TNRC6C: variants seen among roughly 807,000 people sequenced by gnomAD.
TNRC6C encodes trinucleotide repeat containing adaptor 6C, also known as trinucleotide repeat-containing gene 6C protein.
In TNRC6C, 20 loss-of-function variants were observed where a neutral mutation model predicts 153.7. That is an observed-to-expected ratio of 0.13 (90% CI 0.09 to 0.19). The LOEUF is 0.19. TNRC6C is among the 10% of genes least tolerant of loss of function. The pLI, the probability that TNRC6C is intolerant of heterozygous loss-of-function variation, is 1.00. For missense variants in TNRC6C, 1,987 were observed against 2,172.0 expected, an observed-to-expected ratio of 0.91 and a Z score of 1.69; for synonymous variants, 811 against 841.4, an observed-to-expected ratio of 0.96 and a Z score of 0.63.
chr17:77,992,816 G>T (rs901609911), intron 1 of TNRC6C, among the ~76,000 whole-genome samples: 1 of 152,148 alleles, frequency 6.6e-6, no homozygotes, highest in South Asian at 2.1e-4. Context: ...TGTTCTTATG[G>T]TTCATGAGAA....
At chr17:78,057,660 A>G (rs1423636256) in intron 3 of TNRC6C, among the ~76,000 whole-genome samples, 2 of 152,184 alleles carry the variant, frequency 1.3e-5, no homozygotes, top group African/African-American at 2.4e-5. Context: ...AGTTTCTGCT[A>G]TTTTTAAAGT....
chr17:78,100,654 A>G (rs1387625785), intron 17 of TNRC6C, among the ~76,000 whole-genome samples: 3 of 151,988 alleles, frequency 2.0e-5, no homozygotes, highest in African/African-American at 7.3e-5. Context: ...GACCTCTGAC[A>G]TGCTCTAGAG....
exon 3 of TNRC6C, chr17:78,051,407 A>C: frequency 6.5e-7 from 1 of 1,548,480 alleles, no homozygotes; most frequent in Non-Finnish European, 8.7e-7. Context: ...CCCCCGCACC[A>C]GGCCGGTACT....
intron 1 of TNRC6C, among the ~76,000 whole-genome samples, chr17:77,982,044 C>A (rs2144108868): frequency 6.6e-6 from 1 of 152,138 alleles, no homozygotes; most frequent in Non-Finnish European, 1.5e-5. Context: ...GGATTAGAGA[C>A]ACAGAGTTCT....
At chr17:77,983,643 C>T (rs565148957) in intron 1 of TNRC6C, among the ~76,000 whole-genome samples, 6 of 152,250 alleles carry the variant, frequency 3.9e-5, no homozygotes, top group Non-Finnish European at 8.8e-5. Context: ...ATGTTGGATG[C>T]ATAGTGAGAG....
At chr17:78,011,488 C>T (rs1381720737) in intron 1 of TNRC6C, among the ~76,000 whole-genome samples, 2 of 152,210 alleles carry the variant, frequency 1.3e-5, no homozygotes, top group African/African-American at 4.8e-5. Context: ...TGAAATTCAT[C>T]CATGCTGTAG....
At chr17:78,001,391 G>A (rs1191345539), upstream of TNRC6C, among the ~76,000 whole-genome samples, 1 of 152,116 alleles carries the variant, frequency 6.6e-6, no homozygotes, top group African/African-American at 2.4e-5. Context: ...AACACCAATC[G>A]AAGGGATGCT....
chr17:77,976,931 GAAAAAA>G (rs57726847), intron 1 of TNRC6C, among the ~76,000 whole-genome samples: 33 of 46,580 alleles, frequency 7.1e-4, no homozygotes, highest in African/African-American at 2.0e-3. Flanking sequence ...CTCCATCTCA[GAAAAAA>G]AAAAAAAAAA....
At chr17:78,083,777 ATAAT>A (rs1397084626) in intron 11 of TNRC6C, among the ~76,000 whole-genome samples, 1 of 152,220 alleles carries the variant, frequency 6.6e-6, no homozygotes, top group African/African-American at 2.4e-5. Flanking sequence ...ATGTGACCTA[ATAAT>A]TCTTGAAAGT....
At chr17:77,960,655 G>T (rs929533257) in intron 1 of TNRC6C, among the ~76,000 whole-genome samples, 2 of 152,116 alleles carry the variant, frequency 1.3e-5, no homozygotes, top group African/African-American at 4.8e-5. Flanking sequence ...ATAAAACTTA[G>T]CCCCAGGCCA....
At chr17:78,092,888 C>T (rs539516480) in intron 14 of TNRC6C, 45 bp from the exon 17 acceptor site, 1 of 1,581,278 alleles carries the variant, frequency 6.3e-7, no homozygotes, top group East Asian at 2.2e-5. Context: ...TGTCTCTCAA[C>T]TGGAGAGTAT....
intron 16 of TNRC6C, among the ~76,000 whole-genome samples, chr17:78,095,659 C>G (rs2073472717): frequency 6.6e-6 from 1 of 152,320 alleles, no homozygotes; most frequent in African/African-American, 2.4e-5. Context: ...TCTGGTACCT[C>G]TCTTGGTTGT....
At chr17:78,067,809 C>T in exon 5 of TNRC6C, 1 of 1,613,862 alleles carries the variant, frequency 6.2e-7, no homozygotes. Flanking sequence ...AAATGAACCT[C>T]AGTACCAGCC....
intron 3 of TNRC6C, among the ~76,000 whole-genome samples, chr17:78,063,444 A>G (rs2072809857): frequency 6.6e-6 from 1 of 151,782 alleles, no homozygotes; most frequent in Admixed American, 6.6e-5. Context: ...GTGGAAGAAA[A>G]TTTGTATAAA....
At chr17:78,093,849 G>T in intron 16 of TNRC6C, 86 bp downstream of exon 18, 1 of 1,553,108 alleles carries the variant, frequency 6.4e-7, no homozygotes, top group Admixed American at 1.8e-5. Context: ...TGGGCTGTGA[G>T]GCAGGGATGA....
At chr17:78,038,908 G>A (rs1412659431) in intron 2 of TNRC6C, among the ~76,000 whole-genome samples, 1 of 151,972 alleles carries the variant, frequency 6.6e-6, no homozygotes, top group Non-Finnish European at 1.5e-5. Context: ...ATCACCGCAG[G>A]CGACCAGCGA....
chr17:77,999,680 C>T (rs2071381915), upstream of TNRC6C, among the ~76,000 whole-genome samples: 1 of 152,194 alleles, frequency 6.6e-6, no homozygotes, highest in African/African-American at 2.4e-5. Flanking sequence ...CTGTACTTAC[C>T]TGGGCCCTCT....
intron 1 of TNRC6C, among the ~76,000 whole-genome samples, chr17:77,961,540 G>A (rs1245600460): frequency 6.6e-6 from 1 of 152,188 alleles, no homozygotes; most frequent in Admixed American, 6.5e-5. Context: ...TTTCATTTCG[G>A]ATTCTGCCAT....
intron 1 of TNRC6C, among the ~76,000 whole-genome samples, chr17:77,986,191 G>A (rs1222061398): frequency 1.3e-5 from 2 of 152,168 alleles, no homozygotes; most frequent in Non-Finnish European, 2.9e-5. Flanking sequence ...CGAGGTGGGC[G>A]GATCACCCGA....
Sources: allele counts gnomAD v4.1 joint callset (sites outside exome capture counted in the v4.1 genomes callset), GRCh38; gene constraint gnomAD v4.1.1; transcripts MANE v1.5; gene names NCBI Gene and HGNC (gene_info 2026-07-23, HGNC 2026-07-21).